Variants in EPHB3 observed in about 807,000 individuals in gnomAD.
EPHB3 encodes ephrin type-B receptor 3.
A neutral mutation model predicts 100.2 loss-of-function variants in EPHB3; 33 were observed. The observed-to-expected ratio is 0.33, with a 90% CI of 0.25 to 0.44. EPHB3 has a LOEUF of 0.44. Ranked by LOEUF, EPHB3 falls within the 20% of genes least tolerant of loss-of-function variation. EPHB3 has a pLI of 1.00. For missense variants in EPHB3, 1,045 were observed against 1,378.3 expected, an observed-to-expected ratio of 0.76 and a Z score of 3.83; for synonymous variants, 526 against 554.7, an observed-to-expected ratio of 0.95 and a Z score of 0.73.
chr3:184,570,959 T>C (rs1457222142), intron 1 of EPHB3, among the ~76,000 whole-genome samples: 1 of 144,298 alleles, frequency 6.9e-6, no homozygotes, highest in African/African-American at 2.5e-5. Flanking sequence ...TTTCTTTCTT[T>C]TTTTTTTTTT....
intron 1 of EPHB3, among the ~76,000 whole-genome samples, chr3:184,564,611 C>T (rs1318831061): frequency 6.6e-6 from 1 of 152,146 alleles, no homozygotes; most frequent in African/African-American, 2.4e-5. Context: ...GAGTGTGTGC[C>T]CTTATCCTGC....
At position 184,571,484 on chromosome 3, in the gene EPHB3, T is replaced by A; in HGVS notation, c.183+102T>A. The A allele has an allele frequency of 3.2e-6, 4 of 1,252,044 alleles. No homozygotes were observed. Among genetic ancestry groups the A allele is most frequent in the Non-Finnish European group, 4.6e-6 (4 of 865,924 alleles). 77.6% of individuals were successfully genotyped at this position (1,252,044 alleles called of 1,614,324 possible). ...ATCTCACCAGGGCCTGGAGGAGGGCTGCCTCTGCCCTCTGCCTGTCACCCT... is the reference window on the plus strand; with the variant it reads ...ATCTCACCAGGGCCTGGAGGAGGGCAGCCTCTGCCCTCTGCCTGTCACCCT... On this transcript the variant is annotated intron_variant, in intron 2 of 15. Transcript: ENST00000330394. This position sits in a 1 kb window ranked among gnomAD's most constrained non-coding sequence, Gnocchi z 5.0.
intron 1 of EPHB3, among the ~76,000 whole-genome samples, chr3:184,570,870 G>A (rs1577524667): frequency 1.3e-5 from 2 of 152,248 alleles, no homozygotes; most frequent in African/African-American, 4.8e-5. Flanking sequence ...AGGGTCTCCT[G>A]TAGGCTAGGG....
Position 184,581,078 on chromosome 3 carries a change from G to A in EPHB3, c.2645G>A (p.Arg882Lys). 1 of 1,614,192 alleles carries A rather than the reference G, an allele frequency of 6.2e-7. No individual in the cohort carries two copies. The highest frequency in any genetic ancestry group is 8.5e-7 in the Non-Finnish European group (1 of 1,180,034). The change falls in exon 14 of 16, where the codon AGG becomes AAG. Residue 882 changes from arginine (R) to lysine (K), a missense_variant. Arg to Lys is a conservative substitution (Grantham distance 26). Transcript: ENST00000330394. The part of the protein sequence containing the change: ...LDCWVRDRNL[R>K]PKFSQIVNTL... ...TGCTGGGTGCGGGACCGGAACCTCA[G>A]GCCCAAATTCTCCCAGATTGTCAAT...
intron 3 of EPHB3, among the ~76,000 whole-genome samples, chr3:184,574,385 C>T (rs749452501): frequency 2.6e-5 from 4 of 152,224 alleles, no homozygotes; most frequent in African/African-American, 7.2e-5. Flanking sequence ...CTCCCTATTT[C>T]GCCAATAAGG....
At chr3:184,567,479 G>GT in intron 1 of EPHB3, among the ~76,000 whole-genome samples, 1 of 127,056 alleles carries the variant, frequency 7.9e-6, no homozygotes, top group African/African-American at 3.0e-5. Context: ...CATGCTTGCA[G>GT]GGTGTGTGTG....
chr3:184,582,266 G>A lies in EPHB3; in HGVS notation c.*644G>A. 1 of 128,514 alleles carries A rather than the reference G, an allele frequency of 7.8e-6. No homozygotes were observed. Among genetic ancestry groups the A allele is most frequent in the Non-Finnish European group, 1.6e-5 (1 of 62,244 alleles). 8.0% of individuals were successfully genotyped at this position (128,514 alleles called of 1,614,324 possible). On this transcript the variant is annotated 3_prime_UTR_variant, in exon 16 of 16. Transcript: ENST00000330394. ...ATGGGATGTGTGAGTGTGTGTGTGT[G>A]TGTGTGTGTGTGCGCGCGCGCGCGC...
chr3:184,577,990 G>A lies in EPHB3; in HGVS notation c.1732G>A (p.Ala578Thr), dbSNP rs772193071. ...LVFVVAVVVI[A>T]IVCLRKQRHG... ...CTTCGTGGTGGCTGTCGTGGTCATCGCTATCGTCTGCCTCAGGTACTCCCA... is the reference window on the plus strand; with the variant it reads ...CTTCGTGGTGGCTGTCGTGGTCATCACTATCGTCTGCCTCAGGTACTCCCA... Residue 578 changes from alanine (A) to threonine (T), a missense_variant, in exon 8 of 16, where the codon GCT becomes ACT. Transcript: ENST00000330394. This position sits in a 1 kb window ranked among gnomAD's most constrained non-coding sequence, Gnocchi z 4.9. 1.2e-5 allele frequency: 20 copies of A among 1,613,704 alleles called. No homozygotes were observed. Among genetic ancestry groups the A allele is most frequent in the Admixed American group, 1.2e-4 (7 of 59,984 alleles).
intron 4 of EPHB3, among the ~76,000 whole-genome samples, chr3:184,576,529 G>C (rs1714681258): frequency 6.6e-6 from 1 of 152,212 alleles, no homozygotes. Context: ...AGAAATAGGT[G>C]TAAAAACAGA....
At position 184,563,852 on chromosome 3, in the gene EPHB3, A is replaced by C. The variant is rs1198727776; in HGVS notation, c.118+1499A>C. On this transcript the variant is annotated intron_variant, in intron 1 of 15. Transcript: ENST00000330394. This position sits in a 1 kb window ranked among gnomAD's most constrained non-coding sequence, Gnocchi z 4.1. The stretch of plus-strand genomic sequence containing the variant: ...AGGCGACACTGGTACACACACACTC[A>C]TACACTTACGGGGCTATGTGTCACC... Among the ~76,000 whole-genome samples the C allele has an allele frequency of 1.3e-5, 2 of 152,252 alleles. No individual in the cohort carries two copies. Among genetic ancestry groups the C allele is most frequent in the Non-Finnish European group, 2.9e-5 (2 of 68,044 alleles).
chr3:184,574,419 G>A (rs1714622670), intron 3 of EPHB3, among the ~76,000 whole-genome samples: 1 of 152,210 alleles, frequency 6.6e-6, no homozygotes, highest in African/African-American at 2.4e-5. Flanking sequence ...GAGAAGCTCT[G>A]TGCACAGGCC....
chr3:184,573,320 G>A lies in EPHB3; in HGVS notation c.856+144G>A, dbSNP rs1577526556. 1.0e-6 allele frequency: 1 copy of A among 993,350 alleles called. No individual in the cohort carries two copies. The highest frequency in any genetic ancestry group is 2.6e-5 in the East Asian group (1 of 38,184). The allele number at this position is 993,350 out of a possible 1,614,324, so 61.5% of individuals were successfully genotyped here. ...GTGGAGGCAGGAGAGGGAAGAGTGG[G>A]GATCAGATGCAGAGAATGTTGTGTA... On this transcript the variant is annotated intron_variant, in intron 3 of 15. Coordinates refer to ENST00000330394, the MANE Select transcript of EPHB3 (RefSeq NM_004443.4). This position sits in a 1 kb window ranked among gnomAD's most constrained non-coding sequence, Gnocchi z 4.5.
intron 4 of EPHB3, among the ~76,000 whole-genome samples, chr3:184,576,530 T>C (rs778200335): frequency 2.0e-5 from 3 of 152,158 alleles, no homozygotes; most frequent in Non-Finnish European, 4.4e-5. Context: ...GAAATAGGTG[T>C]AAAAACAGAT....
rs548641835 is a variant in EPHB3 at position 184,579,075 on chromosome 3, C to T, written c.1802-402C>T. Among the ~76,000 whole-genome samples the T allele has an allele frequency of 1.3e-5, 2 of 152,060 alleles. No homozygotes were observed. Among genetic ancestry groups the T allele is most frequent in the Non-Finnish European group, 2.9e-5 (2 of 68,026 alleles). On this transcript the variant is annotated intron_variant, in intron 9 of 15. Coordinates refer to ENST00000330394, the MANE Select transcript of EPHB3 (RefSeq NM_004443.4). This position sits in a 1 kb window ranked among gnomAD's most constrained non-coding sequence, Gnocchi z 5.2. ...TCCACCATAGGTAATTGGAAAGGCT[C>T]TCAAGCTGGGGAGTAATACAATGAA...
In EPHB3 at chr3:184,578,778, T is replaced by C. The variant is rs534317821; in HGVS notation, c.1801+312T>C. ...TTAAGGGTTGAGCTGGGTGCTCCTGTTGTAAAGGGCACTAAGAGTTTAGAG... is the reference window on the plus strand; with the variant it reads ...TTAAGGGTTGAGCTGGGTGCTCCTGCTGTAAAGGGCACTAAGAGTTTAGAG... On this transcript the variant is annotated intron_variant, in intron 9 of 15. Coordinates refer to ENST00000330394, the MANE Select transcript of EPHB3 (RefSeq NM_004443.4). This position sits in a 1 kb window ranked among gnomAD's most constrained non-coding sequence, Gnocchi z 4.7. Among the ~76,000 whole-genome samples the C allele has an allele frequency of 4.6e-5, 7 of 152,154 alleles. No homozygotes were observed. In the East Asian group the frequency reaches 1.4e-3, roughly 29 times the overall value.
rs769731941 is a variant in EPHB3 at position 184,562,959 on chromosome 3, G to A, written c.118+606G>A. Among the ~76,000 whole-genome samples, 2 of 152,230 alleles carry A rather than the reference G, an allele frequency of 1.3e-5. No homozygotes were observed. The highest frequency in any genetic ancestry group is 4.8e-5 in the African/African-American group (2 of 41,456). ...CACCCTTTGTGGAGGCTCCCTCTCCGCCTGCTAGAGCAGGGCTTGGGTCTC... is the reference window on the plus strand; with the variant it reads ...CACCCTTTGTGGAGGCTCCCTCTCCACCTGCTAGAGCAGGGCTTGGGTCTC... On this transcript the variant is annotated intron_variant, in intron 1 of 15. Transcript: ENST00000330394. The surrounding 1 kb of genome is among the most constrained non-coding windows in gnomAD (Gnocchi z 4.8).
At position 184,562,269 on chromosome 3, in the gene EPHB3, C is replaced by G; in HGVS notation, c.34C>G (p.Pro12Ala). The G allele has an allele frequency of 8.5e-7, 1 of 1,180,496 alleles. No individual in the cohort carries two copies. The highest frequency in any genetic ancestry group is 1.1e-6 in the Non-Finnish European group (1 of 946,124). The allele number at this position is 1,180,496 out of a possible 1,614,324, so 73.1% of individuals were successfully genotyped here. A position where few individuals can be genotyped will look rare whatever the true frequency, so the allele number is the denominator to read the frequency against. ...ARARPPPPPS[P>A]PPGLLPLLPP... ...AGCCCGCCCGCCGCCGCCGCCGTCGCCGCCGCCGGGGCTTCTGCCGCTGCT... is the reference window on the plus strand; with the variant it reads ...AGCCCGCCCGCCGCCGCCGCCGTCGGCGCCGCCGGGGCTTCTGCCGCTGCT... The change falls in exon 1 of 16, where the codon CCG becomes GCG. Residue 12 changes from proline (P) to alanine (A), a missense_variant. By Grantham distance (27) the Pro-to-Ala change is conservative (BLOSUM62 -1). Transcript: ENST00000330394. The surrounding 1 kb of genome is among the most constrained non-coding windows in gnomAD (Gnocchi z 4.8).
In EPHB3 at chr3:184,578,510, T is replaced by C. The variant is rs1560062955; in HGVS notation, c.1801+44T>C. 1.9e-6 allele frequency: 3 copies of C among 1,611,352 alleles called. No individual in the cohort carries two copies. Among genetic ancestry groups the C allele is most frequent in the East Asian group, 4.5e-5 (2 of 44,868 alleles). On this transcript the variant is annotated intron_variant, in intron 9 of 15. Transcript: ENST00000330394. The surrounding 1 kb of genome is among the most constrained non-coding windows in gnomAD (Gnocchi z 4.7). ...CCCTCCCCAAGCTCTCCCAGCCCCCTGCAGGGCTCTCAGACACCCTTCTCC... is the reference window on the plus strand; with the variant it reads ...CCCTCCCCAAGCTCTCCCAGCCCCCCGCAGGGCTCTCAGACACCCTTCTCC...
At chr3:184,564,048 C>A (rs747248918) in intron 1 of EPHB3, among the ~76,000 whole-genome samples, 3 of 152,350 alleles carry the variant, frequency 2.0e-5, no homozygotes, top group South Asian at 2.1e-4. Flanking sequence ...CTACTGGACC[C>A]TCAGGAGTCC....
Sources: gnomAD v4.1 joint callset for allele counts (sites outside exome capture counted in the v4.1 genomes callset) on GRCh38, gnomAD v4.1.1 for gene constraint, Gnocchi (gnomAD v3.1) non-coding constraint, MANE v1.5 for transcripts, NCBI Gene and HGNC (gene_info 2026-07-23, HGNC 2026-07-21) for gene names.